NFATC2: variants seen among roughly 807,000 people sequenced by gnomAD.
NFATC2 encodes nuclear factor of activated T-cells, cytoplasmic 2.
NFATC2 carries 22 observed loss-of-function variants against 87.3 expected under a neutral mutation model. The observed-to-expected ratio is 0.25, with a 90% confidence interval of 0.18 to 0.36. The LOEUF (loss-of-function observed/expected upper bound fraction) is 0.36. Among genes scored for constraint, NFATC2 ranks in the 10% least tolerant of loss-of-function variants. The pLI, the probability that NFATC2 is intolerant of heterozygous loss-of-function variation, is 1.00. For missense variants in NFATC2, 1,149 were observed against 1,259.1 expected, an observed-to-expected ratio of 0.91 and a Z score of 1.32; for synonymous variants, 565 against 542.2, an observed-to-expected ratio of 1.04 and a Z score of -0.58.
intron 5 of NFATC2, among the ~76,000 whole-genome samples, chr20:51,469,914 C>G (rs1180824964): frequency 6.6e-6 from 1 of 152,206 alleles, no homozygotes; most frequent in East Asian, 1.9e-4. Flanking sequence ...TTCAAGCCAC[C>G]TGGTTTGCAG....
chr20:51,549,964 G>A (rs1377964210), intron 1 of NFATC2, among the ~76,000 whole-genome samples: 2 of 152,176 alleles, frequency 1.3e-5, no homozygotes, highest in Non-Finnish European at 2.9e-5. Flanking sequence ...TTATGTAGCC[G>A]GCTCTGATAG....
At chr20:51,492,600 C>A (rs1033001640) in intron 3 of NFATC2, among the ~76,000 whole-genome samples, 5 of 152,314 alleles carry the variant, frequency 3.3e-5, no homozygotes, top group Admixed American at 3.3e-4. Flanking sequence ...GGGGACTGTG[C>A]GGGGCCCTCT....
chr20:51,475,694 G>T, intron 3 of NFATC2, 34 bp from the exon 4 acceptor site: 1 of 1,604,788 alleles, frequency 6.2e-7, no homozygotes, highest in South Asian at 1.1e-5. Flanking sequence ...ATTAAGGTGC[G>T]GGGTGTGGTG....
intron 1 of NFATC2, among the ~76,000 whole-genome samples, chr20:51,526,831 T>G (rs553707851): frequency 2.2e-4 from 34 of 152,280 alleles, no homozygotes; most frequent in African/African-American, 7.9e-4. Context: ...GGGCCCTGCC[T>G]GTGCATCTAC....
intron 3 of NFATC2, among the ~76,000 whole-genome samples, chr20:51,515,640 C>T (rs1477529235): frequency 2.0e-5 from 3 of 150,652 alleles, no homozygotes; most frequent in Non-Finnish European, 4.4e-5. Context: ...AGAACCAAAA[C>T]TCAATGAATA....
chr20:51,420,976 G>A (rs1472236559), intron 9 of NFATC2, among the ~76,000 whole-genome samples: 2 of 151,256 alleles, frequency 1.3e-5, no homozygotes, highest in Non-Finnish European at 2.9e-5. Flanking sequence ...CAGGAAGATT[G>A]TTTGAGCCCA....
At chr20:51,426,945 A>C (rs1380550701) in intron 9 of NFATC2, among the ~76,000 whole-genome samples, 2 of 152,142 alleles carry the variant, frequency 1.3e-5, no homozygotes, top group Non-Finnish European at 1.5e-5. Context: ...TTTAAGAATA[A>C]GCAGACTGAT....
chr20:51,479,802 A>G (rs1296222798), intron 3 of NFATC2, among the ~76,000 whole-genome samples: 1 of 152,144 alleles, frequency 6.6e-6, no homozygotes, highest in Non-Finnish European at 1.5e-5. Context: ...TGTCCCAGTC[A>G]ACACAGTGAG....
intron 6 of NFATC2, among the ~76,000 whole-genome samples, chr20:51,436,503 G>T (rs536332891): frequency 6.6e-6 from 1 of 151,756 alleles, no homozygotes; most frequent in Admixed American, 6.6e-5. Flanking sequence ...GAGGCTAGGA[G>T]TTCGAGACCA....
Position 51,397,935 on chromosome 20 carries a change from A to C in NFATC2, c.*44+708T>G, listed in dbSNP as rs534337495. Among the ~76,000 whole-genome samples, 5 of 152,268 alleles carry C rather than the reference A, an allele frequency of 3.3e-5. No homozygotes were observed. In the East Asian group the frequency reaches 7.7e-4, roughly 24 times the overall value. ...TGCAACCTTCCTTCCTCAATGTCTCATCTGGACTTCACACCCCAGGGCCTC... is the reference window on the plus strand; with the variant it reads ...TGCAACCTTCCTTCCTCAATGTCTCCTCTGGACTTCACACCCCAGGGCCTC... On this transcript the variant is annotated intron_variant, in intron 10 of 10. Coordinates refer to ENST00000371564, the MANE Select transcript of NFATC2 (RefSeq NM_012340.5).
chr20:51,533,111 C>T (rs1192938645), intron 1 of NFATC2, among the ~76,000 whole-genome samples: 1 of 152,192 alleles, frequency 6.6e-6, no homozygotes, highest in Admixed American at 6.5e-5. Context: ...GATCTGTAGC[C>T]GGAGGAAAGG....
chr20:51,542,741 CG>C (rs1420845096), upstream of NFATC2: 10 of 83,672 alleles, frequency 1.2e-4, no homozygotes, highest in African/African-American at 4.4e-4. Context: ...TGTTGCAGCC[CG>C]GGGAGGCGGG....
chr20:51,406,443 TAAG>T (rs1293024646), intron 9 of NFATC2, among the ~76,000 whole-genome samples: 1 of 152,136 alleles, frequency 6.6e-6, no homozygotes, highest in African/African-American at 2.4e-5. Flanking sequence ...TACTGAGATT[TAAG>T]AAGCAAAGAG....
chr20:51,562,497 AGCAGCAGGAAAGG>A lies in NFATC2; in HGVS notation c.70+50_70+62del. The A allele has an allele frequency of 7.1e-7, 1 of 1,399,910 alleles. No homozygotes were observed. Among genetic ancestry groups the A allele is most frequent in the Non-Finnish European group, 9.9e-7 (1 of 1,014,008 alleles). The allele number at this position is 1,399,910 out of a possible 1,614,324, so 86.7% of individuals were successfully genotyped here. A position where few individuals can be genotyped will look rare whatever the true frequency, so the allele number is the denominator to read the frequency against. ...AGCTGAAAGTGCTGCCCGGGACGGG[AGCAGCAGGAAAGG>A]GCCGGGAGGAGCGAGCGGAAAAGGC... On this transcript the variant is annotated intron_variant, in intron 1 of 10. Transcript: ENST00000414705. This position sits in a 1 kb window ranked among gnomAD's most constrained non-coding sequence, Gnocchi z 5.8.
intron 3 of NFATC2, among the ~76,000 whole-genome samples, chr20:51,514,043 C>T (rs1376730068): frequency 1.3e-5 from 2 of 152,266 alleles, no homozygotes; most frequent in African/African-American, 4.8e-5. Context: ...TTACCTGCAT[C>T]ATAAGGCTCT....
At chr20:51,398,099 C>T (rs1297017206) in intron 10 of NFATC2, among the ~76,000 whole-genome samples, 2 of 152,060 alleles carry the variant, frequency 1.3e-5, no homozygotes, top group Non-Finnish European at 2.9e-5. Context: ...ATCCAGAAAC[C>T]AAGTAGCAGA....
Position 51,524,739 on chromosome 20 carries a change from TC to T in NFATC2, c.131-630del, listed in dbSNP as rs1179058555. Among the ~76,000 whole-genome samples the T allele has an allele frequency of 1.3e-5, 2 of 152,026 alleles. No individual in the cohort carries two copies. Among genetic ancestry groups the T allele is most frequent in the Non-Finnish European group, 2.9e-5 (2 of 67,994 alleles). ...AGTACAAGAAGTGGCTTCATTCAGA[TC>T]CAGGGCTCCTGACTCATGTCTCATC... is the stretch of plus-strand genomic sequence containing the variant. On this transcript the variant is annotated intron_variant, in intron 1 of 10. Transcript: ENST00000371564. The surrounding 1 kb of genome is among the most constrained non-coding windows in gnomAD (Gnocchi z 4.0).
chr20:51,391,635 C>T (rs866807348), intron 10 of NFATC2, among the ~76,000 whole-genome samples, 184 bp from the exon 11 acceptor site: 1 of 102,398 alleles, frequency 9.8e-6, no homozygotes, highest in African/African-American at 6.0e-5. Flanking sequence ...CTCAGCCTCC[C>T]GAGTAGCTGG....
intron 10 of NFATC2, among the ~76,000 whole-genome samples, chr20:51,395,847 T>A (rs1987005274): frequency 6.6e-6 from 1 of 151,628 alleles, no homozygotes; most frequent in Non-Finnish European, 1.5e-5. Context: ...TCAACAAACT[T>A]CTCCTGGAAA....
Sources: allele counts gnomAD v4.1 joint callset (sites outside exome capture counted in the v4.1 genomes callset), GRCh38; gene constraint gnomAD v4.1.1; non-coding constraint Gnocchi (gnomAD v3.1); transcripts MANE v1.5; gene names NCBI Gene and HGNC (gene_info 2026-07-23, HGNC 2026-07-21).